NFE2L2: variants seen among roughly 807,000 people sequenced by gnomAD.
NFE2L2 encodes NFE2 like bZIP transcription factor 2.
A neutral mutation model predicts 49.6 loss-of-function variants in NFE2L2; 20 were observed. The ratio of observed to expected loss-of-function variants is 0.40; its 90% CI spans 0.28 to 0.59. The LOEUF (loss-of-function observed/expected upper bound fraction) is 0.59. Among genes scored for constraint, NFE2L2 ranks in the 20% least tolerant of loss-of-function variants. NFE2L2 has a pLI of 0.40. For synonymous variants in NFE2L2, 244 were observed against 256.5 expected (o/e 0.95, Z 0.47); for missense variants, 578 against 714.2 (o/e 0.81, Z 2.17).
intron 1 of NFE2L2, among the ~76,000 whole-genome samples, chr2:177,259,245 T>A (rs973941618): frequency 6.6e-6 from 1 of 151,694 alleles, no homozygotes; most frequent in Non-Finnish European, 1.5e-5. Flanking sequence ...GAGGGTGCAG[T>A]GAGCCCAGAC....
At chr2:177,232,657 A>G in intron 3 of NFE2L2, 74 bp from the exon 4 acceptor site, 1 of 1,435,928 alleles carries the variant, frequency 7.0e-7, no homozygotes, top group African/African-American at 1.4e-5. Flanking sequence ...CACCACTACA[A>G]AACAAAATGG....
chr2:177,263,688 G>C (rs913650473), intron 1 of NFE2L2: 2 of 985,396 alleles, frequency 2.0e-6, no homozygotes, highest in African/African-American at 3.5e-5. Flanking sequence ...AGAAGCCCCG[G>C]GTGCCGCCGA....
chr2:177,246,902 CCTCA>C (rs759861455), intron 1 of NFE2L2, among the ~76,000 whole-genome samples: 60 of 151,002 alleles, frequency 4.0e-4, no homozygotes, highest in African/African-American at 1.3e-3. Context: ...CCAGACTTTG[CCTCA>C]CTATTTTTAA....
rs149835220 is a variant in NFE2L2 at position 177,242,234 on chromosome 2, G to A, written c.46-7963C>T. On this transcript the variant is annotated intron_variant, in intron 1 of 4. Coordinates refer to ENST00000397062, the MANE Select transcript of NFE2L2 (RefSeq NM_006164.5). ...GACAAAAGGGGCCTTACAGCCTATCGAGGCCAAGTGTAAATGTTGCCAGGT... is the reference window on the plus strand; with the variant it reads ...GACAAAAGGGGCCTTACAGCCTATCAAGGCCAAGTGTAAATGTTGCCAGGT... 5.9e-3 allele frequency among the ~76,000 whole-genome samples: 903 copies of A among 152,248 alleles called. 8 individuals are homozygous for A. Among genetic ancestry groups the A allele is most frequent in the African/African-American group, 0.02 (839 of 41,546 alleles).
chr2:177,230,589 C>A lies in NFE2L2; in HGVS notation c.*196G>T. Reference sequence around the variant, plus strand: ...AAATGGTGTCCTAAGAAATTGTTTACAGTTAAAGTGAAACTACTGATTCAA... The same window carrying A: ...AAATGGTGTCCTAAGAAATTGTTTAAAGTTAAAGTGAAACTACTGATTCAA... On this transcript the variant is annotated 3_prime_UTR_variant, in exon 5 of 5. Coordinates refer to ENST00000397062, the MANE Select transcript of NFE2L2 (RefSeq NM_006164.5). 1.8e-6 allele frequency: 1 copy of A among 552,026 alleles called. No homozygotes were observed. The highest frequency in any genetic ancestry group is 2.9e-6 in the Non-Finnish European group (1 of 343,132). The allele number at this position is 552,026 out of a possible 1,614,324, so 34.2% of individuals were successfully genotyped here.
intron 3 of NFE2L2, 148 bp from the exon 4 acceptor site, chr2:177,232,731 A>G: frequency 2.7e-6 from 2 of 747,266 alleles, no homozygotes; most frequent in East Asian, 2.7e-5. Context: ...GTAAATAACA[A>G]ATCTTTTTTT....
At chr2:177,258,791 A>G (rs1690622273) in intron 1 of NFE2L2, among the ~76,000 whole-genome samples, 1 of 152,220 alleles carries the variant, frequency 6.6e-6, no homozygotes, top group Non-Finnish European at 1.5e-5. Flanking sequence ...TAAGTGATCC[A>G]TATTTTTCTT....
intron 1 of NFE2L2, among the ~76,000 whole-genome samples, chr2:177,254,466 C>T (rs1690446935): frequency 6.6e-6 from 1 of 152,162 alleles, no homozygotes; most frequent in Non-Finnish European, 1.5e-5. Flanking sequence ...CAAATGGTCT[C>T]TAGAAGTCCA....
At chr2:177,256,730 G>A (rs770677766) in intron 1 of NFE2L2, among the ~76,000 whole-genome samples, 3 of 152,158 alleles carry the variant, frequency 2.0e-5, no homozygotes, top group Non-Finnish European at 2.9e-5. Context: ...TTCCAGAAAG[G>A]TGACTAAATA....
At chr2:177,234,872 T>A (rs1344139402) in intron 1 of NFE2L2, among the ~76,000 whole-genome samples, 1 of 152,140 alleles carries the variant, frequency 6.6e-6, no homozygotes, top group South Asian at 2.1e-4. Context: ...TCCCAGCACT[T>A]TGGGAGGCCA....
Position 177,232,486 on chromosome 2 carries a change from G to T in NFE2L2, c.500C>A (p.Thr167Asn). 6.2e-7 allele frequency: 1 copy of T among 1,614,134 alleles called. No individual in the cohort carries two copies. Among genetic ancestry groups the T allele is most frequent in the Non-Finnish European group, 8.5e-7 (1 of 1,179,986 alleles). ...IATNQAQSPE[T>N]SVAQVAPVDL... is the part of the protein sequence containing the mutation. ...AACAGGGGCTACCTGAGCAACAGAA[G>T]TTTCAGGTGACTGAGCCTGATTAGT... Residue 167 changes from threonine to asparagine, a missense_variant, in exon 4 of 5, where the codon ACT (threonine) becomes AAT (asparagine). Around this residue, in one of 3 missense-constraint regions of NFE2L2, gnomAD observed 368 missense variants for 384.6 expected, o/e 0.96. Coordinates refer to ENST00000397062, the MANE Select transcript of NFE2L2 (RefSeq NM_006164.5).
At chr2:177,244,427 C>T (rs1337582601) in intron 1 of NFE2L2, among the ~76,000 whole-genome samples, 1 of 152,050 alleles carries the variant, frequency 6.6e-6, no homozygotes, top group Non-Finnish European at 1.5e-5. Flanking sequence ...GATACCACCC[C>T]CTCAGATGCC....
chr2:177,234,368 G>C (rs1689668648), intron 1 of NFE2L2, 97 bp from the exon 2 acceptor site: 2 of 1,326,342 alleles, frequency 1.5e-6, no homozygotes, highest in Non-Finnish European at 2.0e-6. Flanking sequence ...TTGATGGTGG[G>C]AAGTGGGGAG....
At chr2:177,249,782 G>T (rs1690267831) in intron 1 of NFE2L2, among the ~76,000 whole-genome samples, 1 of 152,108 alleles carries the variant, frequency 6.6e-6, no homozygotes, top group Non-Finnish European at 1.5e-5. Flanking sequence ...ATGTAGTCTT[G>T]CCAACACTAC....
intron 1 of NFE2L2, among the ~76,000 whole-genome samples, chr2:177,246,615 T>C (rs1690141716): frequency 1.3e-5 from 2 of 151,562 alleles, no homozygotes; most frequent in Admixed American, 6.6e-5. Context: ...TTTCTTTTTT[T>C]CTAAGATAGG....
chr2:177,250,178 T>C (rs986248325), intron 1 of NFE2L2, among the ~76,000 whole-genome samples: 2 of 152,230 alleles, frequency 1.3e-5, no homozygotes, highest in African/African-American at 4.8e-5. Flanking sequence ...TATTCAACAA[T>C]GTTATGGTGC....
At position 177,230,834 on chromosome 2, in the gene NFE2L2, T is replaced by C. The variant is rs747640258; in HGVS notation, c.1769A>G (p.Asn590Ser). ...CTTACTTTTGGGAACAAGGAAAACA[T>C]TGCCATCTCTTGTTTGCTGCAGGGA... ...EYSLQQTRDG[N>S]VFLVPKSKKP... Residue 590 changes from asparagine (N) to serine (S), a missense_variant, in exon 5 of 5, where the codon AAT becomes AGT. Asn to Ser is a conservative substitution (Grantham distance 46). Coordinates refer to ENST00000397062, the MANE Select transcript of NFE2L2 (RefSeq NM_006164.5). 2.3e-5 allele frequency: 36 copies of C among 1,595,744 alleles called. No individual in the cohort carries two copies. The highest frequency in any genetic ancestry group is 6.7e-5 in the East Asian group (3 of 44,784).
intron 1 of NFE2L2, among the ~76,000 whole-genome samples, chr2:177,235,189 G>T (rs1013214841): frequency 5.3e-5 from 8 of 152,162 alleles, no homozygotes; most frequent in Non-Finnish European, 2.9e-5. Flanking sequence ...ACTTTGGGAG[G>T]CTGAGGCAGG....
Position 177,264,697 on chromosome 2 carries a change from G to T in NFE2L2, c.-121C>A. 2.4e-6 allele frequency: 2 copies of T among 830,584 alleles called. No individual in the cohort carries two copies. The highest frequency in any genetic ancestry group is 3.3e-6 in the Non-Finnish European group (2 of 603,688). 51.5% of individuals were successfully genotyped at this position (830,584 alleles called of 1,614,324 possible). A position where few individuals can be genotyped will look rare whatever the true frequency, so the allele number is the denominator to read the frequency against. ...GGCGGCGGTGGCGGCTGCGTCGGCG[G>T]CTCCTCCGGGCTCCCCGGCACTCGG... On this transcript the variant is annotated 5_prime_UTR_variant, in exon 1 of 5. Coordinates refer to ENST00000397062, the MANE Select transcript of NFE2L2 (RefSeq NM_006164.5).
Sources: gnomAD v4.1 joint callset for allele counts (sites outside exome capture counted in the v4.1 genomes callset) on GRCh38, gnomAD v4.1.1 for gene constraint, gnomAD v4.1.1 regional missense constraint, MANE v1.5 for transcripts, NCBI Gene and HGNC (gene_info 2026-07-23, HGNC 2026-07-21) for gene names.